PDLIM5: variants seen among roughly 807,000 people sequenced by gnomAD.
PDLIM5 encodes the protein PDZ and LIM domain 5.
Under a neutral mutation model 64.2 loss-of-function variants are expected in PDLIM5, and 34 were observed. That is an observed-to-expected ratio of 0.53 (90% confidence interval 0.40 to 0.71). PDLIM5 has a LOEUF of 0.71. Ranked by LOEUF, PDLIM5 falls within the 30% of genes least tolerant of loss-of-function variation. The pLI is 0.00. For missense variants in PDLIM5, 683 were observed against 733.6 expected, an observed-to-expected ratio of 0.93 and a Z score of 0.80; for synonymous variants, 253 against 269.1, an observed-to-expected ratio of 0.94 and a Z score of 0.59.
chr4:94,590,442 G>A (rs891180166), intron 7 of PDLIM5, among the ~76,000 whole-genome samples: 2 of 152,138 alleles, frequency 1.3e-5, no homozygotes, highest in African/African-American at 4.8e-5. Flanking sequence ...ATGCATAATT[G>A]CTGTATATGT....
rs1735190724 is a variant in PDLIM5 at position 94,575,769 on chromosome 4, G to A, written c.445G>A (p.Ala149Thr). 1 of 1,613,968 alleles carries A rather than the reference G, an allele frequency of 6.2e-7. No individual in the cohort carries two copies. The highest frequency in any genetic ancestry group is 8.5e-7 in the Non-Finnish European group (1 of 1,180,016). Residue 149 changes from alanine (A) to threonine (T), a missense_variant, in exon 5 of 13, where the codon GCC (alanine) becomes ACC (threonine). Coordinates refer to ENST00000317968, the MANE Select transcript of PDLIM5 (RefSeq NM_006457.5). ...KVTSIPSPSS[A>T]FTPAHATTSS... ...CACATCCATCCCATCACCATCGTCT[G>A]CCTTCACCCCAGCCCATGCGACCAC...
chr4:94,494,084 C>T (rs528609433), intron 2 of PDLIM5, among the ~76,000 whole-genome samples: 24 of 152,128 alleles, frequency 1.6e-4, no homozygotes, highest in Admixed American at 2.6e-4. Context: ...TTCAGCCTCC[C>T]GAGTAGTAGG....
intron 2 of PDLIM5, among the ~76,000 whole-genome samples, chr4:94,496,006 G>A (rs1727356278): frequency 6.6e-6 from 1 of 151,934 alleles, no homozygotes; most frequent in Non-Finnish European, 1.5e-5. Flanking sequence ...TCAATTCAGA[G>A]GAATGGGGAC....
At chr4:94,563,309 A>G (rs1734002141) in intron 3 of PDLIM5, among the ~76,000 whole-genome samples, 1 of 152,216 alleles carries the variant, frequency 6.6e-6, no homozygotes, top group Non-Finnish European at 1.5e-5. Flanking sequence ...TCTTGAAGTT[A>G]TTAAACAAGG....
rs1403669788 is a variant in PDLIM5 at position 94,645,260 on chromosome 4, A to G, written c.1283+4810A>G. On this transcript the variant is annotated intron_variant, in intron 9 of 12. Transcript: ENST00000317968. ...TGAATGCCATTAATTTATTCTTTCT[A>G]TGGCTGAGTAGTATTCCATTGTGTA... Among the ~76,000 whole-genome samples, 6 of 152,166 alleles carry G rather than the reference A, an allele frequency of 3.9e-5. No homozygotes were observed. In the South Asian group the frequency reaches 8.3e-4, roughly 21 times the overall value.
chr4:94,605,515 G>A (rs1257199652), intron 7 of PDLIM5, among the ~76,000 whole-genome samples: 3 of 152,216 alleles, frequency 2.0e-5, no homozygotes, highest in African/African-American at 7.2e-5. Flanking sequence ...TTTGGCTGCT[G>A]CAGATATGCT....
intron 2 of PDLIM5, among the ~76,000 whole-genome samples, chr4:94,508,399 C>A (rs183000722): frequency 6.6e-6 from 1 of 152,248 alleles, no homozygotes; most frequent in Non-Finnish European, 1.5e-5. Context: ...CTAACCTAAA[C>A]AAAGAGCTGG....
intron 7 of PDLIM5, among the ~76,000 whole-genome samples, chr4:94,595,794 A>G (rs1208154318): frequency 5.9e-5 from 9 of 152,186 alleles, no homozygotes; most frequent in African/African-American, 2.2e-4. Flanking sequence ...GCTATTCTTA[A>G]TAAGCTATGC....
chr4:94,578,603 AAT>A (rs1437858632), intron 5 of PDLIM5, among the ~76,000 whole-genome samples: 10 of 152,274 alleles, frequency 6.6e-5, no homozygotes, highest in African/African-American at 2.2e-4. Flanking sequence ...GAGAAATAAA[AAT>A]AAATTACACA....
intron 3 of PDLIM5, among the ~76,000 whole-genome samples, chr4:94,565,141 T>C (rs1003394048): frequency 2.0e-5 from 3 of 152,198 alleles, no homozygotes; most frequent in Non-Finnish European, 2.9e-5. Flanking sequence ...CAGTTGGGAA[T>C]GATAAGTTGA....
chr4:94,594,862 T>G (rs1209708796), intron 7 of PDLIM5, among the ~76,000 whole-genome samples: 1 of 152,192 alleles, frequency 6.6e-6, no homozygotes. Context: ...GGTTCTGATT[T>G]TTCACATATT....
At chr4:94,631,779 C>CT (rs1463464280) in intron 8 of PDLIM5, among the ~76,000 whole-genome samples, 1 of 152,198 alleles carries the variant, frequency 6.6e-6, no homozygotes, top group East Asian at 1.9e-4. Context: ...GTGACATACT[C>CT]TTCTGGTTTT....
At chr4:94,455,749 C>T in intron 2 of PDLIM5, 3 of 1,502,140 alleles carry the variant, frequency 2.0e-6, no homozygotes, top group Non-Finnish European at 1.8e-6. Context: ...TCTTTCAGTT[C>T]CAAAAGCTGT....
In PDLIM5 at chr4:94,457,040, C is replaced by T; in HGVS notation, c.96+1656C>T. Reference sequence around the variant, plus strand: ...TTTAATCAGATATTTAGAAGATTGTCATTTTGGTTAATAATATATGTGTAT... The same window carrying T: ...TTTAATCAGATATTTAGAAGATTGTTATTTTGGTTAATAATATATGTGTAT... On this transcript the variant is annotated intron_variant, in intron 2 of 12. Coordinates refer to ENST00000317968, the MANE Select transcript of PDLIM5 (RefSeq NM_006457.5). 4 of 929,416 alleles carry T rather than the reference C, an allele frequency of 4.3e-6. No individual in the cohort carries two copies. In the South Asian group the frequency reaches 2.0e-4, roughly 46 times the overall value. 57.6% of individuals were successfully genotyped at this position (929,416 alleles called of 1,614,324 possible). A position where few individuals can be genotyped will look rare whatever the true frequency, so the allele number is the denominator to read the frequency against.
intron 8 of PDLIM5, among the ~76,000 whole-genome samples, chr4:94,636,867 G>A (rs1740617310): frequency 2.0e-5 from 3 of 151,996 alleles, no homozygotes; most frequent in Admixed American, 2.0e-4. Flanking sequence ...ATTAACTTAG[G>A]GAGGAAAAGA....
At chr4:94,514,698 C>T (rs1007188741) in intron 2 of PDLIM5, among the ~76,000 whole-genome samples, 3 of 152,090 alleles carry the variant, frequency 2.0e-5, no homozygotes, top group South Asian at 2.1e-4. Flanking sequence ...CTTTCTGTTA[C>T]GGCTTTGGTC....
At chr4:94,556,808 C>A (rs892442383) in intron 3 of PDLIM5, among the ~76,000 whole-genome samples, 8 of 152,040 alleles carry the variant, frequency 5.3e-5, no homozygotes, top group African/African-American at 1.9e-4. Flanking sequence ...GATATTAGCC[C>A]TTTGTCAGAT....
chr4:94,594,076 G>A (rs181718502), intron 7 of PDLIM5, among the ~76,000 whole-genome samples: 22 of 152,146 alleles, frequency 1.4e-4, no homozygotes, highest in Admixed American at 1.4e-3. Flanking sequence ...ATATAAGTTC[G>A]ATATAAATAT....
chr4:94,452,396 C>G (rs982368276), intron 1 of PDLIM5, among the ~76,000 whole-genome samples: 18 of 152,196 alleles, frequency 1.2e-4, no homozygotes, highest in African/African-American at 4.3e-4. Context: ...GGTGTGGTGT[C>G]TGAGTGCCCA....
Sources: allele counts gnomAD v4.1 joint callset (sites outside exome capture counted in the v4.1 genomes callset), GRCh38; gene constraint gnomAD v4.1.1; transcripts MANE v1.5; gene names NCBI Gene and HGNC (gene_info 2026-07-23, HGNC 2026-07-21).